Variants in MTF1 observed in about 807,000 individuals in gnomAD.
MTF1 encodes metal regulatory transcription factor 1, also known as MRE-binding transcription factor.
Under a neutral mutation model 70.4 loss-of-function variants are expected in MTF1, and 22 were observed. The observed-to-expected ratio is 0.31, with a 90% confidence interval of 0.22 to 0.45. The LOEUF is 0.45. Ranked by LOEUF, MTF1 falls within the 20% of genes least tolerant of loss-of-function variation. MTF1 has a pLI of 1.00. For synonymous variants in MTF1, 333 were observed against 352.8 expected (o/e 0.94, Z 0.63); for missense variants, 649 against 922.0 (o/e 0.70, Z 3.83).
In MTF1 at chr1:37,810,432, A is replaced by C. The variant is rs939190267; in HGVS notation, c.*4704T>G. 6.6e-6 allele frequency: 1 copy of C among 152,208 alleles called. No homozygotes were observed. Among genetic ancestry groups the C allele is most frequent in the Non-Finnish European group, 1.5e-5 (1 of 68,032 alleles). 9.4% of individuals were successfully genotyped at this position (152,208 alleles called of 1,614,324 possible). A position where few individuals can be genotyped will look rare whatever the true frequency, so the allele number is the denominator to read the frequency against. On this transcript the variant is annotated 3_prime_UTR_variant, in exon 11 of 11. Transcript: ENST00000373036. ...ACACATTGACATAAAGATCCAGTTTAATTTGCATTTTTCAGTGCAGACTGA... is the reference window on the plus strand; with the variant it reads ...ACACATTGACATAAAGATCCAGTTTCATTTGCATTTTTCAGTGCAGACTGA...
At chr1:37,827,748 TAACATAATTAAAAACG>T (rs1641025912) in intron 7 of MTF1, among the ~76,000 whole-genome samples, 2 of 152,190 alleles carry the variant, frequency 1.3e-5, no homozygotes, top group African/African-American at 2.4e-5. Flanking sequence ...TTATAGGTAG[TAACATAATTAAAAACG>T]AATGAGCTAT....
intron 7 of MTF1, among the ~76,000 whole-genome samples, chr1:37,831,363 T>C (rs1213753988): frequency 6.6e-6 from 1 of 152,186 alleles, no homozygotes; most frequent in Non-Finnish European, 1.5e-5. Flanking sequence ...AGTGCTGTAA[T>C]TGACTCCACT....
intron 2 of MTF1, among the ~76,000 whole-genome samples, chr1:37,847,987 A>C (rs950464757): frequency 1.3e-5 from 2 of 152,200 alleles, no homozygotes; most frequent in Non-Finnish European, 2.9e-5. Context: ...AATAAAACAC[A>C]GTTATAAATG....
chr1:37,834,046 T>C (rs761914995), intron 6 of MTF1, among the ~76,000 whole-genome samples: 2 of 151,798 alleles, frequency 1.3e-5, no homozygotes, highest in Non-Finnish European at 2.9e-5. Context: ...GGCAACATGG[T>C]GAAGACCACA....
chr1:37,825,637 T>C (rs1283781447), intron 7 of MTF1, among the ~76,000 whole-genome samples: 2 of 152,166 alleles, frequency 1.3e-5, no homozygotes, highest in Admixed American at 1.3e-4. Context: ...AGTGGACTTA[T>C]ACTTGGGACT....
At chr1:37,835,871 G>C (rs1277113999) in intron 4 of MTF1, 127 bp from the exon 5 acceptor site, 2 of 713,584 alleles carry the variant, frequency 2.8e-6, no homozygotes, top group African/African-American at 3.6e-5. Context: ...CGCAATCTTG[G>C]CTCACTGCAA....
At chr1:37,820,858 A>T (rs1640898847) in intron 9 of MTF1, among the ~76,000 whole-genome samples, 1 of 152,158 alleles carries the variant, frequency 6.6e-6, no homozygotes, top group Non-Finnish European at 1.5e-5. Flanking sequence ...GAAAAAAACA[A>T]GATGATAGGG....
chr1:37,832,616 T>C (rs1641106149), intron 6 of MTF1, among the ~76,000 whole-genome samples: 1 of 152,200 alleles, frequency 6.6e-6, no homozygotes, highest in Non-Finnish European at 1.5e-5. Flanking sequence ...TATCTCCTAA[T>C]GCTATCCCTC....
At chr1:37,848,384 C>T (rs143014125) in intron 2 of MTF1, among the ~76,000 whole-genome samples, 1 of 152,306 alleles carries the variant, frequency 6.6e-6, no homozygotes, top group East Asian at 1.9e-4. Context: ...TTGCCCAAGG[C>T]CACATAGCTA....
intron 8 of MTF1, among the ~76,000 whole-genome samples, chr1:37,823,012 G>A (rs1037806549): frequency 1.3e-5 from 2 of 152,282 alleles, no homozygotes; most frequent in African/African-American, 4.8e-5. Context: ...GACATGACTA[G>A]TGACTATACT....
intron 2 of MTF1, among the ~76,000 whole-genome samples, chr1:37,849,518 T>C (rs1483740841): frequency 6.6e-6 from 1 of 152,162 alleles, no homozygotes; most frequent in East Asian, 1.9e-4. Context: ...TGGTGCATCA[T>C]GTAGAATAAA....
chr1:37,819,448 T>C (rs1640876404), intron 9 of MTF1, among the ~76,000 whole-genome samples: 1 of 151,386 alleles, frequency 6.6e-6, no homozygotes, highest in South Asian at 2.1e-4. Flanking sequence ...TATTACTAAG[T>C]AGGACTATAA....
At chr1:37,818,995 A>C (rs889671300) in intron 9 of MTF1, among the ~76,000 whole-genome samples, 1 of 134,720 alleles carries the variant, frequency 7.4e-6, no homozygotes, top group Non-Finnish European at 1.6e-5. Flanking sequence ...TCCGTGTCAA[A>C]ACAAAAAAAA....
At chr1:37,832,830 C>A (rs977961389) in intron 6 of MTF1, among the ~76,000 whole-genome samples, 1 of 151,980 alleles carries the variant, frequency 6.6e-6, no homozygotes, top group East Asian at 1.9e-4. Flanking sequence ...CATAGTGAAA[C>A]CCCATCTCTA....
At chr1:37,842,047 A>AG (rs1170018563) in intron 2 of MTF1, among the ~76,000 whole-genome samples, 1 of 152,124 alleles carries the variant, frequency 6.6e-6, no homozygotes, top group Non-Finnish European at 1.5e-5. Context: ...AAGAAAAAAA[A>AG]GGGGGAAAAA....
chr1:37,815,337 T>G lies in MTF1; in HGVS notation c.2061A>C (p.Ser687=). ...TFSSAPVPGS[S]SSTLPSSCEQ... is the part of the protein sequence containing the mutation. ...CACAGGAGGAGGGCAAGGTAGAGGA[T>G]GATGACCCGGGAACAGGGGCTGAAG... The change falls in exon 11 of 11, where the codon TCA becomes TCC. Residue 687 remains serine (S), a synonymous_variant. Transcript: ENST00000373036. This position sits in a 1 kb window ranked among gnomAD's most constrained non-coding sequence, Gnocchi z 4.5. The G allele has an allele frequency of 6.2e-7, 1 of 1,613,950 alleles. No homozygotes were observed.
chr1:37,838,210 A>G (rs1641199739), intron 4 of MTF1, among the ~76,000 whole-genome samples: 1 of 152,066 alleles, frequency 6.6e-6, no homozygotes, highest in African/African-American at 2.4e-5. Context: ...TTAGGTAGGT[A>G]TCCCTCCTCT....
Position 37,822,695 on chromosome 1 carries a change from T to A in MTF1, c.1193A>T (p.Asn398Ile). 6.2e-7 allele frequency: 1 copy of A among 1,610,386 alleles called. No individual in the cohort carries two copies. Among genetic ancestry groups the A allele is most frequent in the South Asian group, 1.1e-5 (1 of 91,066 alleles). The change falls in exon 9 of 11, where the codon AAT (asparagine) becomes ATT (isoleucine). Residue 398 changes from asparagine (N) to isoleucine (I), a missense_variant. By Grantham distance (149) the Asn-to-Ile change is moderately radical (BLOSUM62 -3). Around this residue, in one of 7 missense-constraint regions of MTF1, gnomAD observed 267 missense variants for 292.1 expected, o/e 0.91. Coordinates refer to ENST00000373036, the MANE Select transcript of MTF1 (RefSeq NM_005955.3). ...QQTASLTESF[N>I]GDAESVSDVP... ...ATCACTGACTGACTCTGCATCACCA[T>A]TAAAACTTTCAGTCAAGGAAGCTGG...
intron 10 of MTF1, among the ~76,000 whole-genome samples, chr1:37,816,700 A>G (rs1162278194): frequency 2.0e-5 from 3 of 151,826 alleles, no homozygotes; most frequent in East Asian, 3.9e-4. Flanking sequence ...AAGAAAGAAA[A>G]AAAAGAAAAT....
Sources: gnomAD v4.1 joint callset for allele counts (sites outside exome capture counted in the v4.1 genomes callset) on GRCh38, gnomAD v4.1.1 for gene constraint, gnomAD v4.1.1 regional missense constraint, Gnocchi (gnomAD v3.1) non-coding constraint, MANE v1.5 for transcripts, NCBI Gene and HGNC (gene_info 2026-07-23, HGNC 2026-07-21) for gene names.